Variants in ZBBX observed in about 807,000 individuals in gnomAD.
ZBBX encodes zinc finger B-box domain-containing protein 1.
A neutral mutation model predicts 108.5 loss-of-function variants in ZBBX; 101 were observed. The observed-to-expected ratio is 0.93, with a 90% CI of 0.79 to 1.10. The LOEUF is 1.10. ZBBX is among the 50% of genes least tolerant of loss of function. The pLI, the probability that ZBBX is intolerant of heterozygous loss-of-function variation, is 0.00. For synonymous variants in ZBBX, 356 were observed against 323.4 expected (o/e 1.10, Z -1.08); for missense variants, 1,009 against 941.4 (o/e 1.07, Z -0.94).
chr3:167,185,669 A>G, the ZBBX span, among the ~76,000 whole-genome samples: 1 of 152,102 alleles, frequency 6.6e-6, no homozygotes, highest in East Asian at 1.9e-4. Context: ...AGCATTCTTT[A>G]ATATCATTCA....
chr3:167,295,345 G>A (rs934604342), intron 18 of ZBBX, among the ~76,000 whole-genome samples: 1 of 151,996 alleles, frequency 6.6e-6, no homozygotes, highest in African/African-American at 2.4e-5. Context: ...ATACACCATG[G>A]AATATTATAT....
At position 167,306,368 on chromosome 3, in the gene ZBBX, A is replaced by G. The variant is rs1449574001; in HGVS notation, c.1418-418T>C. On this transcript the variant is annotated intron_variant, in intron 16 of 21. Transcript: ENST00000675490. ...CCCTAGCATGCCTAGCAATAAAGAG[A>G]GGGCACAGGGAAATGTGCCAGATGA... 2.0e-5 allele frequency among the ~76,000 whole-genome samples: 3 copies of G among 152,252 alleles called. No homozygotes were observed. The East Asian group carries it at 5.8e-4, about 29-fold the overall frequency.
the ZBBX span, among the ~76,000 whole-genome samples, chr3:167,192,044 A>G: frequency 6.6e-6 from 1 of 150,838 alleles, no homozygotes; most frequent in African/African-American, 2.4e-5. Flanking sequence ...CAACTTACAT[A>G]TTTTTATATT....
chr3:167,241,260 T>C (rs554425668), intron 21 of ZBBX, among the ~76,000 whole-genome samples: 19 of 152,332 alleles, frequency 1.2e-4, no homozygotes, highest in African/African-American at 4.6e-4. Flanking sequence ...TCACATTGGC[T>C]GTTTAATAGA....
downstream of ZBBX, among the ~76,000 whole-genome samples, chr3:167,239,500 T>C (rs1445981225): frequency 6.6e-6 from 1 of 152,064 alleles, no homozygotes; most frequent in Non-Finnish European, 1.5e-5. Context: ...TTTATAATAA[T>C]CCATTTCTAC....
At chr3:167,258,798 A>G (rs1723964068) in intron 20 of ZBBX, among the ~76,000 whole-genome samples, 1 of 152,212 alleles carries the variant, frequency 6.6e-6, no homozygotes, top group Non-Finnish European at 1.5e-5. Flanking sequence ...ATGGCAAACC[A>G]TCCCTCCATC....
chr3:167,367,244 A>G (rs11924946), intron 5 of ZBBX, among the ~76,000 whole-genome samples: 11,823 of 151,888 alleles, frequency 0.078, 495 homozygotes, highest in Admixed American at 0.11. Context: ...TATTTGGAAG[A>G]CAATTTCTCA....
intron 20 of ZBBX, among the ~76,000 whole-genome samples, chr3:167,272,168 C>A (rs2108476411): frequency 6.6e-6 from 1 of 152,312 alleles, no homozygotes; most frequent in Non-Finnish European, 1.5e-5. Flanking sequence ...ATCCAAACTG[C>A]ACCTCAGAAG....
intron 10 of ZBBX, among the ~76,000 whole-genome samples, chr3:167,329,118 T>C (rs1480279617): frequency 6.6e-6 from 1 of 152,150 alleles, no homozygotes; most frequent in Non-Finnish European, 1.5e-5. Context: ...ATGATGGTTG[T>C]GGAGAGATGA....
At chr3:167,280,534 C>A (rs1299308121) in intron 20 of ZBBX, among the ~76,000 whole-genome samples, 19 of 150,564 alleles carry the variant, frequency 1.3e-4, no homozygotes, top group Non-Finnish European at 2.5e-4. Flanking sequence ...CAGAGAAATG[C>A]AAATCAAAAC....
intron 1 of ZBBX, among the ~76,000 whole-genome samples, chr3:167,407,479 C>T (rs569674378): frequency 2.0e-5 from 3 of 151,996 alleles, no homozygotes; most frequent in East Asian, 1.9e-4. Context: ...CAAAAATTTT[C>T]GTATAATTTT....
chr3:167,296,770 G>C (rs1731757692), intron 18 of ZBBX, among the ~76,000 whole-genome samples: 1 of 151,872 alleles, frequency 6.6e-6, no homozygotes, highest in South Asian at 2.1e-4. Flanking sequence ...TGAACTGGAA[G>C]AGTTAATAGT....
At chr3:167,186,282 C>T in the ZBBX span, among the ~76,000 whole-genome samples, 1 of 151,960 alleles carries the variant, frequency 6.6e-6, no homozygotes, top group African/African-American at 2.4e-5. Flanking sequence ...TCTATCCATG[C>T]CCTTTGTACA....
intron 5 of ZBBX, chr3:167,366,911 T>A: frequency 4.4e-6 from 2 of 455,970 alleles, no homozygotes; most frequent in South Asian, 3.1e-5. Flanking sequence ...AGACACATAA[T>A]AAACTTTGTC....
intron 17 of ZBBX, among the ~76,000 whole-genome samples, chr3:167,304,711 G>A (rs1226459729): frequency 6.6e-6 from 1 of 151,962 alleles, no homozygotes; most frequent in Non-Finnish European, 1.5e-5. Context: ...ACGTTTTATT[G>A]GCCTAGCCCA....
chr3:167,295,448 C>T (rs1376761224), intron 18 of ZBBX, among the ~76,000 whole-genome samples: 2 of 151,484 alleles, frequency 1.3e-5, no homozygotes, highest in Non-Finnish European at 2.9e-5. Flanking sequence ...GAACAGAAAA[C>T]CAAACACCAC....
chr3:167,246,565 T>C (rs916300510), intron 20 of ZBBX, among the ~76,000 whole-genome samples: 1 of 152,196 alleles, frequency 6.6e-6, no homozygotes, highest in African/African-American at 2.4e-5. Context: ...ATCTGTGAAG[T>C]CATACAAACA....
intron 17 of ZBBX, among the ~76,000 whole-genome samples, chr3:167,303,064 G>A (rs1576940998): frequency 6.6e-6 from 1 of 152,104 alleles, no homozygotes; most frequent in African/African-American, 2.4e-5. Context: ...CAGTGGTTTT[G>A]CTCAAAAGAT....
Position 167,288,888 on chromosome 3 carries a change from T to C in ZBBX, c.1975A>G (p.Ser659Gly), listed in dbSNP as rs780669297. Residue 659 changes from serine (S) to glycine (G), a missense_variant, in exon 19 of 22, where the codon AGT becomes GGT. Coordinates refer to ENST00000675490, the MANE Select transcript of ZBBX (RefSeq NM_001199201.2). ...TTACCCATCTTTTGCTGTTTTCTACTTGATGATGGACTCTGAGCACCCTGC... is the reference window on the plus strand; with the variant it reads ...TTACCCATCTTTTGCTGTTTTCTACCTGATGATGGACTCTGAGCACCCTGC... ...VLQGAQSPSSSRKQQKMGQKS... is the reference protein window; with the variant it reads ...VLQGAQSPSSGRKQQKMGQKS... The C allele has an allele frequency of 1.1e-4, 165 of 1,534,652 alleles. No individual in the cohort carries two copies. Among genetic ancestry groups the C allele is most frequent in the Non-Finnish European group, 1.4e-4 (156 of 1,136,590 alleles).
Sources: allele counts gnomAD v4.1 joint callset (sites outside exome capture counted in the v4.1 genomes callset), GRCh38; gene constraint gnomAD v4.1.1; transcripts MANE v1.5; gene names NCBI Gene and HGNC (gene_info 2026-07-23, HGNC 2026-07-21).